Variants in ADAMTS2 observed in about 807,000 individuals in gnomAD.
The protein encoded by ADAMTS2 is ADAM metallopeptidase with thrombospondin type 1 motif 2, also known as A disintegrin and metalloproteinase with thrombospondin motifs 2.
A neutral mutation model predicts 123.0 loss-of-function variants in ADAMTS2; 50 were observed. The observed-to-expected ratio is 0.41, with a 90% CI of 0.32 to 0.51. The LOEUF is 0.51. Ranked by LOEUF, ADAMTS2 falls within the 20% of genes least tolerant of loss-of-function variation. The pLI is 0.35. For synonymous variants in ADAMTS2, 678 were observed against 695.4 expected (o/e 0.98, Z 0.39); for missense variants, 1,494 against 1,705.2 (o/e 0.88, Z 2.18).
chr5:179,333,597 T>G (rs1405538845), intron 2 of ADAMTS2, among the ~76,000 whole-genome samples: 1 of 41,006 alleles, frequency 2.4e-5, no homozygotes, highest in Non-Finnish European at 5.8e-5. Context: ...TTTTTTTCTG[T>G]TTTTTTTTTT....
At chr5:179,120,394 C>G (rs1284411041) in intron 21 of ADAMTS2, 3 of 152,194 alleles carry the variant, frequency 2.0e-5, no homozygotes, top group Non-Finnish European at 4.4e-5. Flanking sequence ...GTGCATATGC[C>G]CAGGACAGTA....
intron 3 of ADAMTS2, among the ~76,000 whole-genome samples, chr5:179,259,381 G>T (rs1428891143): frequency 6.6e-6 from 1 of 152,236 alleles, no homozygotes; most frequent in African/African-American, 2.4e-5. Context: ...TCAGGGCTGT[G>T]CCTGTCTGGT....
chr5:179,270,249 C>T (rs1169631714), intron 3 of ADAMTS2, among the ~76,000 whole-genome samples: 1 of 152,152 alleles, frequency 6.6e-6, no homozygotes, highest in African/African-American at 2.4e-5. Context: ...TCGGGGAAAA[C>T]AGGACATCCT....
intron 10 of ADAMTS2, among the ~76,000 whole-genome samples, chr5:179,144,818 C>G (rs1314861239): frequency 1.3e-5 from 2 of 152,116 alleles, no homozygotes; most frequent in Non-Finnish European, 2.9e-5. Flanking sequence ...TCTTCTTGAC[C>G]TAAGTAATGG....
At chr5:179,214,097 T>C (rs951468008) in intron 3 of ADAMTS2, among the ~76,000 whole-genome samples, 4 of 151,956 alleles carry the variant, frequency 2.6e-5, no homozygotes, top group Non-Finnish European at 4.4e-5. Flanking sequence ...ACAGTCACCA[T>C]TACTGAGACA....
chr5:179,342,846 C>T (rs998812326), intron 2 of ADAMTS2, among the ~76,000 whole-genome samples: 1 of 152,268 alleles, frequency 6.6e-6, no homozygotes, highest in African/African-American at 2.4e-5. Flanking sequence ...TCCAGGCTTC[C>T]TCTGAGGCCC....
At chr5:179,233,205 T>A (rs1023134097) in intron 3 of ADAMTS2, among the ~76,000 whole-genome samples, 3 of 152,272 alleles carry the variant, frequency 2.0e-5, no homozygotes, top group African/African-American at 7.2e-5. Flanking sequence ...AAAAAACTTC[T>A]GTGTCTGTGT....
Position 179,170,833 on chromosome 5 carries a change from G to A in ADAMTS2, c.975+10239C>T, listed in dbSNP as rs1232597067. ...CCCTGGGATTAAACAGCAGCTGCTC[G>A]GGAAGCCAGAGGCTCTGGGCTGGCC... On this transcript the variant is annotated intron_variant, in intron 5 of 21. Coordinates refer to ENST00000251582, the MANE Select transcript of ADAMTS2 (RefSeq NM_014244.5). This position sits in a 1 kb window ranked among gnomAD's most constrained non-coding sequence, Gnocchi z 4.3. Among the ~76,000 whole-genome samples the A allele has an allele frequency of 3.3e-5, 5 of 152,150 alleles. No individual in the cohort carries two copies. The East Asian group carries it at 5.8e-4, about 18-fold the overall frequency.
rs560720316 is a variant in ADAMTS2, at chr5:179,274,601, C to T, written c.535-1537G>A. 4.0e-3 allele frequency among the ~76,000 whole-genome samples: 616 copies of T among 152,328 alleles called. 4 individuals are homozygous for T. The highest frequency in any genetic ancestry group is 0.014 in the African/African-American group (588 of 41,578). On this transcript the variant is annotated intron_variant, in intron 2 of 21. Transcript: ENST00000251582. ...TCATCATCTTGGTTGTGGGGGGGCACGGTGGCGCACGGGCTGCCCCTCCTT... is the reference window on the plus strand; with the variant it reads ...TCATCATCTTGGTTGTGGGGGGGCATGGTGGCGCACGGGCTGCCCCTCCTT...
Position 179,132,731 on chromosome 5 carries a change from G to A in ADAMTS2, c.2209+46C>T. On this transcript the variant is annotated intron_variant, in intron 14 of 21. Coordinates refer to ENST00000251582, the MANE Select transcript of ADAMTS2 (RefSeq NM_014244.5). This position sits in a 1 kb window ranked among gnomAD's most constrained non-coding sequence, Gnocchi z 6.1. ...CCCTCAGCTGTCCGGGCATGAGCCT[G>A]CTGCAGGCATCCAGGCTCCAGGGTG... 1 of 1,613,562 alleles carries A rather than the reference G, an allele frequency of 6.2e-7. No homozygotes were observed. Among genetic ancestry groups the A allele is most frequent in the Non-Finnish European group, 8.5e-7 (1 of 1,179,726 alleles).
chr5:179,284,265 G>T (rs1001431298), intron 2 of ADAMTS2, among the ~76,000 whole-genome samples: 1 of 151,462 alleles, frequency 6.6e-6, no homozygotes, highest in Non-Finnish European at 1.5e-5. Context: ...GGAGGCTGAG[G>T]TTGCAGTGAG....
rs1270718089 is a variant in ADAMTS2, at chr5:179,115,157, C to A, written c.3179-833G>T. Among the ~76,000 whole-genome samples the A allele has an allele frequency of 6.6e-6, 1 of 152,146 alleles. No individual in the cohort carries two copies. The highest frequency in any genetic ancestry group is 1.9e-4 in the East Asian group (1 of 5,186). ...TCTGTGGTCCAGCTTACATGGAGAG[C>A]CCCGACTCTCCACAGAAGCCACCAT... On this transcript the variant is annotated intron_variant, in intron 21 of 21. Coordinates refer to ENST00000251582, the MANE Select transcript of ADAMTS2 (RefSeq NM_014244.5). The surrounding 1 kb of genome is among the most constrained non-coding windows in gnomAD (Gnocchi z 4.4).
intron 4 of ADAMTS2, among the ~76,000 whole-genome samples, chr5:179,201,513 C>T (rs566426021): frequency 7.5e-4 from 114 of 151,764 alleles, no homozygotes; most frequent in Middle Eastern, 3.4e-3. Context: ...TGTCCCGGCA[C>T]GGTGGCTCAC....
intron 3 of ADAMTS2, among the ~76,000 whole-genome samples, chr5:179,240,959 C>G (rs1765654362): frequency 6.6e-6 from 1 of 152,188 alleles, no homozygotes; most frequent in Non-Finnish European, 1.5e-5. Flanking sequence ...ATGAGCTTGG[C>G]TTAACTTACA....
intron 10 of ADAMTS2, among the ~76,000 whole-genome samples, chr5:179,147,182 G>A (rs570341238): frequency 2.0e-5 from 3 of 152,122 alleles, no homozygotes; most frequent in East Asian, 3.9e-4. Flanking sequence ...TCCACCTCCC[G>A]GGTTCAAGTG....
intron 4 of ADAMTS2, among the ~76,000 whole-genome samples, chr5:179,193,939 G>A (rs192723835): frequency 3.3e-4 from 50 of 152,280 alleles, no homozygotes; most frequent in African/African-American, 4.8e-4. Context: ...CCGACAGCCC[G>A]GCGTGGCACA....
chr5:179,135,898 T>C lies in ADAMTS2; in HGVS notation c.2085+11A>G, dbSNP rs139255728. On this transcript the variant is annotated intron_variant, in intron 13 of 21. Transcript: ENST00000251582. Reference sequence around the variant, plus strand: ...CACGGTAGCCCCCCGTGCCGGCCTCTGTGTACTCACCCTGCAGTCCCCGCG... The same window carrying C: ...CACGGTAGCCCCCCGTGCCGGCCTCCGTGTACTCACCCTGCAGTCCCCGCG... 5.4e-4 allele frequency: 874 copies of C among 1,613,030 alleles called. 11 individuals are homozygous for C. The East Asian group carries it at 0.018, about 33-fold the overall frequency.
chr5:179,160,739 T>C (rs527506997), intron 5 of ADAMTS2, among the ~76,000 whole-genome samples: 7 of 152,266 alleles, frequency 4.6e-5, no homozygotes, highest in South Asian at 2.1e-4. Context: ...TTGTGGGACA[T>C]TGGCATAGAA....
chr5:179,231,024 C>CG (rs1264953532), intron 3 of ADAMTS2, among the ~76,000 whole-genome samples: 8 of 151,788 alleles, frequency 5.3e-5, no homozygotes, highest in East Asian at 1.9e-4. Context: ...AAAAAAAAGC[C>CG]GGGGGGGCTA....
Sources: allele counts gnomAD v4.1 joint callset (sites outside exome capture counted in the v4.1 genomes callset), GRCh38; gene constraint gnomAD v4.1.1; non-coding constraint Gnocchi (gnomAD v3.1); transcripts MANE v1.5; gene names NCBI Gene and HGNC (gene_info 2026-07-23, HGNC 2026-07-21).